The following TUSC3 variants were observed in gnomAD, a reference collection of about 807,000 sequenced individuals.
The protein encoded by TUSC3 is tumor suppressor candidate 3.
Under a neutral mutation model 44.8 loss-of-function variants are expected in TUSC3, and 45 were observed. That is an observed-to-expected ratio of 1.00 (90% CI 0.79 to 1.29). The LOEUF (loss-of-function observed/expected upper bound fraction) is 1.29, where lower values mean the gene tolerates loss of function less well. Ranked by LOEUF, TUSC3 falls within the 50% of genes most tolerant of loss-of-function variation. The pLI is 0.00. For missense variants in TUSC3, 519 were observed against 437.9 expected (o/e 1.19, Z -1.65); for synonymous variants, 212 against 152.9 (o/e 1.39, Z -2.85).
intron 1 of TUSC3, among the ~76,000 whole-genome samples, chr8:15,585,467 C>T (rs754770451): frequency 2.0e-5 from 3 of 152,148 alleles, no homozygotes; most frequent in Non-Finnish European, 2.9e-5. Context: ...AAAAAGCTGT[C>T]TGCTGTGAAG....
chr8:15,583,867 C>G (rs1484899863), intron 1 of TUSC3, among the ~76,000 whole-genome samples: 2 of 152,094 alleles, frequency 1.3e-5, no homozygotes, highest in Non-Finnish European at 2.9e-5. Flanking sequence ...TATTAGAGAT[C>G]TTTCTTAAAA....
intron 1 of TUSC3, among the ~76,000 whole-genome samples, chr8:15,477,591 G>A (rs184442647): frequency 2.0e-4 from 31 of 152,080 alleles, no homozygotes; most frequent in Admixed American, 6.6e-4. Context: ...GTGAGGTGGC[G>A]GGTGGCTGTA....
At chr8:15,786,394 G>A in the TUSC3 span, among the ~76,000 whole-genome samples, 4 of 152,180 alleles carry the variant, frequency 2.6e-5, no homozygotes, top group African/African-American at 7.2e-5. Context: ...ATATTTTAAT[G>A]TGTCTTTAAA....
the TUSC3 span, among the ~76,000 whole-genome samples, chr8:15,798,709 T>G: frequency 6.6e-6 from 1 of 152,120 alleles, no homozygotes; most frequent in South Asian, 2.1e-4. Flanking sequence ...GTCACACTGC[T>G]TTCCAGCCGG....
intron 2 of TUSC3, among the ~76,000 whole-genome samples, chr8:15,644,992 C>T (rs926603336): frequency 6.6e-6 from 1 of 152,062 alleles, no homozygotes; most frequent in Non-Finnish European, 1.5e-5. Flanking sequence ...TATGGCTTGC[C>T]AGGTTGCAAT....
chr8:15,554,681 C>G (rs567045685), intron 1 of TUSC3, among the ~76,000 whole-genome samples: 17 of 145,794 alleles, frequency 1.2e-4, no homozygotes, highest in Non-Finnish European at 2.5e-4. Flanking sequence ...CAGCTCACTG[C>G]AAGCTCTGCC....
chr8:15,756,017 T>C (rs2129222315), intron 9 of TUSC3, among the ~76,000 whole-genome samples: 1 of 152,304 alleles, frequency 6.6e-6, no homozygotes, highest in African/African-American at 2.4e-5. Context: ...ACATTTCTAG[T>C]AATTCTGTCA....
At chr8:15,620,518 G>A (rs1478306710) in intron 1 of TUSC3, among the ~76,000 whole-genome samples, 4 of 152,058 alleles carry the variant, frequency 2.6e-5, no homozygotes, top group Admixed American at 6.6e-5. Flanking sequence ...TTAGAAAAAT[G>A]ACGTATATAT....
At position 15,636,624 on chromosome 8, in the gene TUSC3, A is replaced by G. The variant is rs1280429382; in HGVS notation, c.308+13375A>G. ...ATGGAGACTGTAGTTGGAAGCAGTC[A>G]TTAGGTTTGTGTGTCCCCAAAGATA... On this transcript the variant is annotated intron_variant, in intron 2 of 10. Transcript: ENST00000503731. Among the ~76,000 whole-genome samples, 4 of 152,224 alleles carry G rather than the reference A, an allele frequency of 2.6e-5. No individual in the cohort carries two copies. In the East Asian group the frequency reaches 7.7e-4, roughly 29 times the overall value.
downstream of TUSC3, among the ~76,000 whole-genome samples, chr8:15,767,766 G>C (rs1812369434): frequency 1.3e-5 from 2 of 152,108 alleles, no homozygotes; most frequent in African/African-American, 4.8e-5. Context: ...TGAAAAAGTA[G>C]CTGTGCTGAG....
At chr8:15,601,644 C>T (rs1290909161) in intron 1 of TUSC3, among the ~76,000 whole-genome samples, 1 of 151,584 alleles carries the variant, frequency 6.6e-6, no homozygotes, top group East Asian at 1.9e-4. Flanking sequence ...TTTATAAAAT[C>T]TATTCTGTAG....
At chr8:15,824,867 C>T in the TUSC3 span, among the ~76,000 whole-genome samples, 1 of 152,132 alleles carries the variant, frequency 6.6e-6, no homozygotes, top group Admixed American at 6.5e-5. Flanking sequence ...GCATTTCCTG[C>T]CTCTTTTTAA....
intron 2 of TUSC3, among the ~76,000 whole-genome samples, chr8:15,638,295 T>C (rs1405829457): frequency 6.6e-6 from 1 of 152,158 alleles, no homozygotes; most frequent in Non-Finnish European, 1.5e-5. Flanking sequence ...TTTACATTTA[T>C]ATTCTGTAGG....
chr8:15,581,147 G>A (rs374393130), intron 1 of TUSC3, among the ~76,000 whole-genome samples: 317 of 109,222 alleles, frequency 2.9e-3, no homozygotes, highest in South Asian at 6.2e-3. Context: ...CGTAGTTCTC[G>A]AGCCTTGGTT....
chr8:15,760,217 A>C (rs1266421125), intron 10 of TUSC3, among the ~76,000 whole-genome samples: 1 of 152,160 alleles, frequency 6.6e-6, no homozygotes, highest in African/African-American at 2.4e-5. Context: ...AGGTAAGCAA[A>C]ATGAAGAAAA....
chr8:15,824,316 C>T, the TUSC3 span, among the ~76,000 whole-genome samples: 1 of 152,148 alleles, frequency 6.6e-6, no homozygotes, highest in Non-Finnish European at 1.5e-5. Flanking sequence ...ATAAACCAAA[C>T]ACTCAGGGAT....
At chr8:15,829,340 T>C in the TUSC3 span, among the ~76,000 whole-genome samples, 1 of 152,214 alleles carries the variant, frequency 6.6e-6, no homozygotes, top group Non-Finnish European at 1.5e-5. Context: ...ACTTTTAGTT[T>C]TGAAACATAC....
intron 1 of TUSC3, among the ~76,000 whole-genome samples, chr8:15,553,176 G>T (rs1303216734): frequency 6.6e-6 from 1 of 151,736 alleles, no homozygotes; most frequent in Non-Finnish European, 1.5e-5. Context: ...TGTTTGAGAA[G>T]CAGAATATAT....
intron 2 of TUSC3, among the ~76,000 whole-genome samples, chr8:15,494,147 T>A (rs549366361): frequency 6.6e-6 from 1 of 152,282 alleles, no homozygotes; most frequent in Admixed American, 6.5e-5. Context: ...ATTTGGCTGT[T>A]TCGAGTTGTC....
Sources: gnomAD v4.1 joint callset for allele counts (sites outside exome capture counted in the v4.1 genomes callset) on GRCh38, gnomAD v4.1.1 for gene constraint, MANE v1.5 for transcripts, NCBI Gene and HGNC (gene_info 2026-07-23, HGNC 2026-07-21) for gene names.